The following ARL17B variants were observed in gnomAD, a reference collection of about 807,000 sequenced individuals.
The protein encoded by ARL17B is ADP-ribosylation factor-like protein 17.
intron 4 of ARL17B, among the ~76,000 whole-genome samples, chr17:46,288,075 C>G (rs975571706): frequency 2.3e-4 from 35 of 152,128 alleles, no homozygotes; most frequent in African/African-American, 8.5e-4. Flanking sequence ...GAATGGAAGT[C>G]GTCCTCAAGC....
At chr17:46,340,483 TGA>T in intron 3 of ARL17B, among the ~76,000 whole-genome samples, 1 of 67,812 alleles carries the variant, frequency 1.5e-5, no homozygotes, top group South Asian at 5.8e-4. Context: ...CCCAAAGGGC[TGA>T]GATTACAGGT....
At chr17:46,277,648 T>C (rs879919119) in intron 4 of ARL17B, among the ~76,000 whole-genome samples, 14,983 of 145,040 alleles carry the variant, frequency 0.1, 1 homozygote, top group Non-Finnish European at 0.16. Flanking sequence ...TTTCTTTCTT[T>C]CTTTCTTTTT....
chr17:46,289,906 G>A (rs1174199943), intron 4 of ARL17B, among the ~76,000 whole-genome samples: 9 of 152,180 alleles, frequency 5.9e-5, no homozygotes, highest in African/African-American at 1.9e-4. Context: ...GATCACTTGC[G>A]TCCAGGAGCT....
At chr17:46,312,016 G>GT (rs2050822980) in intron 3 of ARL17B, among the ~76,000 whole-genome samples, 2 of 69,570 alleles carry the variant, frequency 2.9e-5, no homozygotes, top group South Asian at 1.3e-3. Context: ...TTGAGCCCCT[G>GT]GAGTTCAAGT....
At chr17:46,285,669 A>G (rs568137632) in intron 4 of ARL17B, among the ~76,000 whole-genome samples, 1 of 152,334 alleles carries the variant, frequency 6.6e-6, no homozygotes, top group African/African-American at 2.4e-5. Flanking sequence ...AGATTATCTG[A>G]GTGTTAGATA....
intron 4 of ARL17B, among the ~76,000 whole-genome samples, chr17:46,275,690 G>C (rs2049566233): frequency 6.6e-6 from 1 of 152,176 alleles, no homozygotes; most frequent in African/African-American, 2.4e-5. Flanking sequence ...ACATTTTCAG[G>C]CAACTGGACA....
At chr17:46,281,161 T>C (rs2049752431) in intron 4 of ARL17B, among the ~76,000 whole-genome samples, 3 of 152,342 alleles carry the variant, frequency 2.0e-5, no homozygotes, top group South Asian at 2.1e-4. Flanking sequence ...TAGTGATGTA[T>C]GTAGGAGTGA....
At position 46,307,785 on chromosome 17, in the gene ARL17B, G is replaced by T. The variant is rs2050618011; in HGVS notation, c.260-8120C>A. ...GTAATTCCAGCACTTTGCTGAGGTG[G>T]GTGGATCACCTGAGGTCAGGAGTTC... On this transcript the variant is annotated intron_variant, in intron 3 of 4. Coordinates refer to the ARL17B transcript ENST00000434041. Among the ~76,000 whole-genome samples, 2 of 79,096 alleles carry T rather than the reference G, an allele frequency of 2.5e-5. 1 individual carries two copies. Among genetic ancestry groups the T allele is most frequent in the Admixed American group, 2.6e-4 (2 of 7,626 alleles). 51.9% of individuals were successfully genotyped at this position (79,096 alleles called of 152,430 possible).
At chr17:46,285,707 AG>A in intron 4 of ARL17B, among the ~76,000 whole-genome samples, 1 of 152,336 alleles carries the variant, frequency 6.6e-6, no homozygotes, top group Admixed American at 6.5e-5. Flanking sequence ...GATATGGTAA[AG>A]CTCATGACAC....
intron 4 of ARL17B, among the ~76,000 whole-genome samples, chr17:46,283,305 T>C (rs1362431620): frequency 2.6e-5 from 4 of 152,260 alleles, no homozygotes; most frequent in Non-Finnish European, 5.9e-5. Context: ...TCAACTCATG[T>C]GTACCCACAG....
chr17:46,290,805 A>C (rs528772789), intron 4 of ARL17B, among the ~76,000 whole-genome samples: 27 of 152,374 alleles, frequency 1.8e-4, no homozygotes, highest in African/African-American at 6.5e-4. Flanking sequence ...GTCTATGAAA[A>C]GCCAAAAACA....
chr17:46,275,198 C>CT (rs146634053), exon 5 of ARL17B: 2 of 327,766 alleles, frequency 6.1e-6, no homozygotes, highest in Non-Finnish European at 1.1e-5. Flanking sequence ...GGCAACTTTG[C>CT]TTTTTTCTTG....
At chr17:46,288,706 CTTTTTT>C (rs199591277) in intron 4 of ARL17B, among the ~76,000 whole-genome samples, 1 of 139,060 alleles carries the variant, frequency 7.2e-6, no homozygotes, top group Non-Finnish European at 1.6e-5. Context: ...CTTGTTTTTT[CTTTTTT>C]TTTTTTTTTG....
chr17:46,278,565 G>T (rs374327304), intron 4 of ARL17B, among the ~76,000 whole-genome samples: 1 of 150,848 alleles, frequency 6.6e-6, no homozygotes, highest in South Asian at 2.1e-4. Flanking sequence ...CACTGCGACC[G>T]GCTAATTTTT....
intron 3 of ARL17B, among the ~76,000 whole-genome samples, chr17:46,344,234 GT>G (rs1256943630): frequency 1.4e-5 from 2 of 145,448 alleles, no homozygotes; most frequent in African/African-American, 5.4e-5. Context: ...ATAAATAGGA[GT>G]TTGAGGCCAT....
chr17:46,332,300 G>A (rs1468927672), downstream of ARL17B, among the ~76,000 whole-genome samples: 1 of 65,738 alleles, frequency 1.5e-5, no homozygotes, highest in Non-Finnish European at 2.6e-5. Flanking sequence ...CAAAAAATAA[G>A]AAAATTAGCT....
intron 2 of ARL17B, among the ~76,000 whole-genome samples, chr17:46,353,310 ACTCC>A (rs1170616911): frequency 1.0e-4 from 10 of 99,104 alleles, no homozygotes; most frequent in Non-Finnish European, 4.1e-5. Context: ...TCTTCCACCA[ACTCC>A]CTCCCTCTAT....
chr17:46,283,163 T>C lies in ARL17B; in HGVS notation c.*22-7745A>G, dbSNP rs552486429. On this transcript the variant is annotated intron_variant, in intron 4 of 4. Transcript: ENST00000570618. ...CCGAGTATGCACAATTCAACTGTAA[T>C]AGATACTATCAATTTACCCTCCAAA... is the stretch of plus-strand genomic sequence containing the variant. Among the ~76,000 whole-genome samples the C allele has an allele frequency of 7.9e-5, 12 of 152,318 alleles. No individual in the cohort carries two copies. The East Asian group carries it at 2.1e-3, about 27-fold the overall frequency.
At chr17:46,277,653 CTT>C (rs1555610981) in intron 4 of ARL17B, among the ~76,000 whole-genome samples, 1 of 137,818 alleles carries the variant, frequency 7.3e-6, no homozygotes. Context: ...TTCTTTCTTT[CTT>C]TTTTTTTTTT....
Sources: gnomAD v4.1 joint callset for allele counts (sites outside exome capture counted in the v4.1 genomes callset) on GRCh38, gnomAD v4.1.1 for gene constraint, MANE v1.5 for transcripts, NCBI Gene and HGNC (gene_info 2026-07-23, HGNC 2026-07-21) for gene names.